The following B3GALT1 variants were observed in gnomAD, a reference collection of about 807,000 sequenced individuals.
B3GALT1 encodes the protein UDP-Gal:betaGlcNAc beta 1,3-galactosyltransferase, polypeptide 1.
Under a neutral mutation model 23.2 loss-of-function variants are expected in B3GALT1, and 10 were observed. The ratio of observed to expected loss-of-function variants is 0.43; its 90% confidence interval spans 0.27 to 0.73. The LOEUF is 0.73. Among genes scored for constraint, B3GALT1 ranks in the 30% least tolerant of loss-of-function variants. B3GALT1 has a pLI of 0.21. For missense variants in B3GALT1, 299 were observed against 405.4 expected, an observed-to-expected ratio of 0.74 and a Z score of 2.25; for synonymous variants, 156 against 141.5, an observed-to-expected ratio of 1.10 and a Z score of -0.73.
intron 1 of B3GALT1, among the ~76,000 whole-genome samples, chr2:167,374,247 C>A (rs1697729947): frequency 1.3e-5 from 2 of 152,284 alleles, no homozygotes; most frequent in East Asian, 3.9e-4. Flanking sequence ...ACCACATTGT[C>A]TTTATCCAGT....
At chr2:167,363,268 C>A (rs1574049297) in intron 1 of B3GALT1, among the ~76,000 whole-genome samples, 1 of 151,806 alleles carries the variant, frequency 6.6e-6, no homozygotes, top group Non-Finnish European at 1.5e-5. Context: ...GTTCGTTTGT[C>A]AGCTGGGCCC....
At chr2:167,524,252 A>G (rs970083298) in intron 2 of B3GALT1, among the ~76,000 whole-genome samples, 1 of 152,284 alleles carries the variant, frequency 6.6e-6, no homozygotes. Context: ...AAATCATACT[A>G]ATTTAATACC....
At chr2:167,536,962 G>A (rs1683439627) in intron 2 of B3GALT1, among the ~76,000 whole-genome samples, 1 of 151,728 alleles carries the variant, frequency 6.6e-6, no homozygotes, top group Non-Finnish European at 1.5e-5. Context: ...CCCAACATGG[G>A]TTTCTGAAAG....
intron 1 of B3GALT1, among the ~76,000 whole-genome samples, chr2:167,402,890 C>T (rs897536687): frequency 2.6e-5 from 4 of 152,042 alleles, no homozygotes; most frequent in South Asian, 2.1e-4. Flanking sequence ...CAATCCTGAT[C>T]GTTCAATTAA....
chr2:167,461,853 A>G (rs1173839306), intron 1 of B3GALT1, among the ~76,000 whole-genome samples: 1 of 152,206 alleles, frequency 6.6e-6, no homozygotes, highest in Non-Finnish European at 1.5e-5. Context: ...AATAGAGTGT[A>G]GCAATGTGAC....
intron 1 of B3GALT1, among the ~76,000 whole-genome samples, chr2:167,468,535 A>G (rs918380341): frequency 6.6e-6 from 1 of 152,212 alleles, no homozygotes; most frequent in African/African-American, 2.4e-5. Flanking sequence ...AATAAAAATG[A>G]ATTTTTCCAA....
Position 167,870,191 on chromosome 2 carries a change from G to C in B3GALT1, c.*171G>C. The C allele has an allele frequency of 1.6e-6, 1 of 622,792 alleles. No homozygotes were observed. Among genetic ancestry groups the C allele is most frequent in the Non-Finnish European group, 2.7e-6 (1 of 371,762 alleles). 38.6% of individuals were successfully genotyped at this position (622,792 alleles called of 1,614,324 possible). On this transcript the variant is annotated 3_prime_UTR_variant, in exon 5 of 5. Coordinates refer to ENST00000392690, the MANE Select transcript of B3GALT1 (RefSeq NM_020981.4). ...TACCAATTTATGAATGTTAGACTCTGGTCATAGAAACAATAAATGAGTTAG... is the reference window on the plus strand; with the variant it reads ...TACCAATTTATGAATGTTAGACTCTCGTCATAGAAACAATAAATGAGTTAG...
intron 3 of B3GALT1, among the ~76,000 whole-genome samples, chr2:167,721,163 C>G (rs1480661780): frequency 6.6e-6 from 1 of 152,106 alleles, no homozygotes; most frequent in South Asian, 2.1e-4. Context: ...AAATACACTC[C>G]GTTACAGACA....
chr2:167,578,324 G>A (rs1351044601), intron 2 of B3GALT1, among the ~76,000 whole-genome samples: 9 of 151,806 alleles, frequency 5.9e-5, no homozygotes, highest in Non-Finnish European at 8.8e-5. Flanking sequence ...TAGGACTATC[G>A]AAGGACAAAC....
chr2:167,486,090 G>C (rs1360812136), intron 1 of B3GALT1, among the ~76,000 whole-genome samples: 1 of 152,132 alleles, frequency 6.6e-6, no homozygotes, highest in Admixed American at 6.5e-5. Flanking sequence ...GGCTGGACGT[G>C]GTGGCTCACA....
At chr2:167,692,820 T>G (rs1027259269) in intron 3 of B3GALT1, among the ~76,000 whole-genome samples, 1 of 152,136 alleles carries the variant, frequency 6.6e-6, no homozygotes, top group Non-Finnish European at 1.5e-5. Flanking sequence ...CTTAATTTTT[T>G]TAATCACTGG....
At chr2:167,861,493 G>A (rs10186642) in intron 4 of B3GALT1, among the ~76,000 whole-genome samples, 2,685 of 152,234 alleles carry the variant, frequency 0.018, 43 homozygotes, top group Non-Finnish European at 0.027. Flanking sequence ...AACAGTAGGG[G>A]TAGAAGTCAA....
At chr2:167,389,531 T>C (rs1357419157) in intron 1 of B3GALT1, among the ~76,000 whole-genome samples, 1 of 152,086 alleles carries the variant, frequency 6.6e-6, no homozygotes, top group Non-Finnish European at 1.5e-5. Context: ...ATCAACCAAA[T>C]ACTTCAAGGC....
intron 2 of B3GALT1, among the ~76,000 whole-genome samples, chr2:167,502,946 C>T (rs972583813): frequency 5.3e-5 from 8 of 151,946 alleles, no homozygotes; most frequent in Non-Finnish European, 1.0e-4. Context: ...GGCTGAGGCA[C>T]GAGAATCACT....
chr2:167,531,360 G>A (rs1014639980), intron 2 of B3GALT1, among the ~76,000 whole-genome samples: 3 of 152,118 alleles, frequency 2.0e-5, no homozygotes, highest in Non-Finnish European at 2.9e-5. Flanking sequence ...TGAAGGACGG[G>A]ACTTCTTTAA....
intron 1 of B3GALT1, among the ~76,000 whole-genome samples, chr2:167,424,743 C>G (rs1000639543): frequency 6.6e-6 from 1 of 152,124 alleles, no homozygotes; most frequent in Non-Finnish European, 1.5e-5. Context: ...AATAGCCATT[C>G]CCTTTTATAG....
At chr2:167,553,797 G>A (rs1023386573) in intron 2 of B3GALT1, among the ~76,000 whole-genome samples, 2 of 151,978 alleles carry the variant, frequency 1.3e-5, no homozygotes, top group Non-Finnish European at 2.9e-5. Flanking sequence ...TAATCATCAA[G>A]GCATTTTTCC....
At chr2:167,308,956 T>TA (rs1696592387) in intron 1 of B3GALT1, among the ~76,000 whole-genome samples, 1 of 152,082 alleles carries the variant, frequency 6.6e-6, no homozygotes, top group Non-Finnish European at 1.5e-5. Flanking sequence ...TAGATGTTTT[T>TA]AGTCATATTC....
chr2:167,674,591 G>A (rs1686390432), intron 3 of B3GALT1, among the ~76,000 whole-genome samples: 1 of 152,166 alleles, frequency 6.6e-6, no homozygotes, highest in Non-Finnish European at 1.5e-5. Context: ...TTTGTTCAGA[G>A]TTGTATAGAC....
Sources: gnomAD v4.1 joint callset for allele counts (sites outside exome capture counted in the v4.1 genomes callset) on GRCh38, gnomAD v4.1.1 for gene constraint, MANE v1.5 for transcripts, NCBI Gene and HGNC (gene_info 2026-07-23, HGNC 2026-07-21) for gene names.